IL1RAP: variants seen among roughly 807,000 people sequenced by gnomAD.
IL1RAP encodes interleukin 1 receptor accessory protein.
Under a neutral mutation model 60.7 loss-of-function variants are expected in IL1RAP, and 35 were observed. The observed-to-expected ratio is 0.58, with a 90% CI of 0.44 to 0.76. The LOEUF is 0.76. Ranked by LOEUF, IL1RAP falls within the 30% of genes least tolerant of loss-of-function variation. The pLI is 0.00. For synonymous variants in IL1RAP, 268 were observed against 250.9 expected, an observed-to-expected ratio of 1.07 and a Z score of -0.64; for missense variants, 572 against 693.9, an observed-to-expected ratio of 0.82 and a Z score of 1.97.
chr3:190,595,881 A>G (rs1161023725), intron 3 of IL1RAP, among the ~76,000 whole-genome samples: 1 of 152,106 alleles, frequency 6.6e-6, no homozygotes. Context: ...AGTTAACTCT[A>G]TTTCTATGTC....
intron 3 of IL1RAP, among the ~76,000 whole-genome samples, chr3:190,599,256 C>T (rs1729643141): frequency 6.6e-6 from 1 of 152,136 alleles, no homozygotes; most frequent in Non-Finnish European, 1.5e-5. Flanking sequence ...TTTATTCTCT[C>T]ATTTTTGTGG....
intron 3 of IL1RAP, among the ~76,000 whole-genome samples, chr3:190,602,916 A>G (rs1437877929): frequency 6.6e-6 from 1 of 152,126 alleles, no homozygotes; most frequent in African/African-American, 2.4e-5. Flanking sequence ...CATCACCCTG[A>G]CCTCTGTTCA....
intron 4 of IL1RAP, 58 bp downstream of exon 4, chr3:190,604,471 C>T (rs1001154713): frequency 7.4e-5 from 114 of 1,547,238 alleles, no homozygotes; most frequent in Non-Finnish European, 9.0e-5. Context: ...GGCTCTTTTC[C>T]GGATGATCCG....
chr3:190,590,832 G>T (rs1448214209), intron 3 of IL1RAP, among the ~76,000 whole-genome samples: 2 of 152,170 alleles, frequency 1.3e-5, no homozygotes, highest in Non-Finnish European at 2.9e-5. Context: ...CATTCAAAGT[G>T]CCAAGTGGGA....
At chr3:190,542,493 A>G (rs1577546074) in intron 1 of IL1RAP, among the ~76,000 whole-genome samples, 1 of 152,310 alleles carries the variant, frequency 6.6e-6, no homozygotes, top group South Asian at 2.1e-4. Context: ...CAAAGCATGA[A>G]TTATTTCAAC....
intron 11 of IL1RAP, among the ~76,000 whole-genome samples, chr3:190,647,415 A>G (rs1734091595): frequency 6.6e-6 from 1 of 152,238 alleles, no homozygotes. Flanking sequence ...AGGACTATGC[A>G]ATCCTCGATA....
At chr3:190,525,523 G>A (rs1722433939) in intron 1 of IL1RAP, among the ~76,000 whole-genome samples, 1 of 152,214 alleles carries the variant, frequency 6.6e-6, no homozygotes, top group African/African-American at 2.4e-5. Context: ...AGGATGATGA[G>A]CAGGTCAAAG....
chr3:190,566,738 A>T (rs979527547), intron 3 of IL1RAP, among the ~76,000 whole-genome samples: 1 of 152,196 alleles, frequency 6.6e-6, no homozygotes, highest in Non-Finnish European at 1.5e-5. Context: ...AGGGAGAGGA[A>T]CAAAAAGGAC....
chr3:190,590,175 T>C (rs1728820288), intron 3 of IL1RAP, among the ~76,000 whole-genome samples: 2 of 152,188 alleles, frequency 1.3e-5, no homozygotes, highest in Non-Finnish European at 2.9e-5. Flanking sequence ...GGATTGGCAC[T>C]GATTAACTTC....
chr3:190,548,631 T>C (rs1724586962), intron 1 of IL1RAP, among the ~76,000 whole-genome samples: 2 of 152,174 alleles, frequency 1.3e-5, no homozygotes, highest in Non-Finnish European at 2.9e-5. Context: ...AGAAAAAATC[T>C]AAACAAAACA....
chr3:190,548,138 G>A (rs1055438952), intron 1 of IL1RAP, among the ~76,000 whole-genome samples: 2 of 152,142 alleles, frequency 1.3e-5, no homozygotes, highest in Non-Finnish European at 2.9e-5. Flanking sequence ...CTGAAGACAG[G>A]TTCATTTCAG....
intron 3 of IL1RAP, among the ~76,000 whole-genome samples, chr3:190,591,319 A>G (rs1303079745): frequency 6.6e-6 from 1 of 152,214 alleles, no homozygotes; most frequent in East Asian, 1.9e-4. Flanking sequence ...AGGAAGTGGC[A>G]GAACGAGGTT....
intron 3 of IL1RAP, among the ~76,000 whole-genome samples, chr3:190,602,399 T>C (rs1309844573): frequency 6.6e-6 from 1 of 152,156 alleles, no homozygotes; most frequent in East Asian, 1.9e-4. Flanking sequence ...TAATTACTTA[T>C]AAAATGAAAA....
At chr3:190,655,779 G>T, downstream of IL1RAP, 1 of 768,032 alleles carries the variant, frequency 1.3e-6, no homozygotes, top group Non-Finnish European at 2.1e-6. Flanking sequence ...CTGAGATTCT[G>T]TCATCTCAAG....
chr3:190,620,425 A>G lies in IL1RAP; in HGVS notation c.688A>G (p.Thr230Ala). The change falls in exon 6 of 12, where the codon ACT (threonine) becomes GCT (alanine). Residue 230 changes from threonine (T) to alanine (A), a missense_variant. Thr to Ala is a moderately conservative substitution (Grantham distance 58, BLOSUM62 0). Transcript: ENST00000447382. Reference sequence around the variant, plus strand: ...TACGTTTCATCTCACCAGGACTCTGACTGTAAAGGTAGTAGGTAAGCATGA... The same window carrying G: ...TACGTTTCATCTCACCAGGACTCTGGCTGTAAAGGTAGTAGGTAAGCATGA... ...GRTFHLTRTL[T>A]VKVVGSPKNA... is the part of the protein sequence containing the mutation. 1 of 1,611,928 alleles carries G rather than the reference A, an allele frequency of 6.2e-7. No homozygotes were observed. The highest frequency in any genetic ancestry group is 2.2e-5 in the East Asian group (1 of 44,810).
At chr3:190,543,007 G>A (rs904662684) in intron 1 of IL1RAP, among the ~76,000 whole-genome samples, 5 of 151,098 alleles carry the variant, frequency 3.3e-5, no homozygotes, top group African/African-American at 1.2e-4. Context: ...AATTCTTGGT[G>A]TAATTCCAGG....
chr3:190,643,587 T>G (rs757228554), intron 9 of IL1RAP, among the ~76,000 whole-genome samples: 16 of 152,220 alleles, frequency 1.1e-4, no homozygotes, highest in Admixed American at 3.3e-4. Flanking sequence ...TATTGCAAGT[T>G]CACCTCTAGA....
chr3:190,523,432 T>C (rs1480175967), intron 1 of IL1RAP, among the ~76,000 whole-genome samples: 4 of 152,130 alleles, frequency 2.6e-5, no homozygotes, highest in Admixed American at 6.6e-5. Context: ...TAACCTTGTG[T>C]CGTGGGGATT....
At chr3:190,551,987 A>G (rs1301751054) in intron 1 of IL1RAP, among the ~76,000 whole-genome samples, 3 of 152,220 alleles carry the variant, frequency 2.0e-5, no homozygotes, top group Admixed American at 6.5e-5. Context: ...AAGATTGAAC[A>G]TCATTTTGGC....
Sources: gnomAD v4.1 joint callset for allele counts (sites outside exome capture counted in the v4.1 genomes callset) on GRCh38, gnomAD v4.1.1 for gene constraint, MANE v1.5 for transcripts, NCBI Gene and HGNC (gene_info 2026-07-23, HGNC 2026-07-21) for gene names.